The following FAT1 variants were observed in gnomAD, a reference collection of about 807,000 sequenced individuals.
The protein encoded by FAT1 is protocadherin Fat 1.
In FAT1, 171 loss-of-function variants were observed where a neutral mutation model predicts 329.8. The ratio of observed to expected loss-of-function variants is 0.52; its 90% confidence interval spans 0.46 to 0.59. The LOEUF (loss-of-function observed/expected upper bound fraction) is 0.59. Among genes scored for constraint, FAT1 ranks in the 20% least tolerant of loss-of-function variants. FAT1 has a pLI of 0.00. For missense variants in FAT1, 5,672 were observed against 5,774.4 expected (o/e 0.98, Z 0.57); for synonymous variants, 2,233 against 2,228.6 (o/e 1.00, Z -0.06).
chr4:186,602,111 C>T (rs745844312), intron 20 of FAT1, among the ~76,000 whole-genome samples: 20 of 152,092 alleles, frequency 1.3e-4, no homozygotes, highest in Non-Finnish European at 2.2e-4. Flanking sequence ...TTAAAGTAGC[C>T]AGAGAAATGC....
chr4:186,693,567 G>A lies in FAT1; in HGVS notation c.3265+12996C>T, dbSNP rs1454647681. On this transcript the variant is annotated intron_variant, in intron 2 of 26. Transcript: ENST00000441802. ...GCAGCGAACACCCAGCCACCTCCTG[G>A]GAGCAGGGCCCTCGAGCTCAACAGC... Among the ~76,000 whole-genome samples, 8 of 142,510 alleles carry A rather than the reference G, an allele frequency of 5.6e-5. 2 individuals are homozygous for A. Among genetic ancestry groups the A allele is most frequent in the African/African-American group, 2.2e-4 (8 of 36,702 alleles). 93.5% of individuals were successfully genotyped at this position (142,510 alleles called of 152,430 possible).
chr4:186,624,168 G>A (rs987313699), intron 9 of FAT1, among the ~76,000 whole-genome samples: 1 of 132,560 alleles, frequency 7.5e-6, no homozygotes, highest in Non-Finnish European at 1.7e-5. Context: ...AGGTCTGTAC[G>A]AGGCTGGGGG....
At chr4:186,702,197 C>A (rs1380599830) in intron 2 of FAT1, among the ~76,000 whole-genome samples, 1 of 152,230 alleles carries the variant, frequency 6.6e-6, no homozygotes, top group African/African-American at 2.4e-5. Flanking sequence ...AAAATGTCCT[C>A]ATTTCCCTTC....
chr4:186,614,069 G>C (rs986605967), intron 12 of FAT1, 122 bp downstream of exon 12: 2 of 751,432 alleles, frequency 2.7e-6, no homozygotes, highest in Non-Finnish European at 4.2e-6. Flanking sequence ...CAACTTCGGA[G>C]CATCAGAATA....
At chr4:186,630,354 G>A (rs1465499516) in intron 7 of FAT1, among the ~76,000 whole-genome samples, 1 of 152,088 alleles carries the variant, frequency 6.6e-6, no homozygotes, top group Non-Finnish European at 1.5e-5. Flanking sequence ...GCAGTGGGAC[G>A]GAACATCCTG....
chr4:186,657,196 G>A (rs1741943928), intron 3 of FAT1, among the ~76,000 whole-genome samples: 2 of 152,112 alleles, frequency 1.3e-5, no homozygotes, highest in South Asian at 2.1e-4. Context: ...TGTTCACAGC[G>A]GATTTACAAA....
In FAT1 at chr4:186,709,141, C is replaced by T. The variant is rs2126701858; in HGVS notation, c.687G>A (p.Met229Ile). ...TGATGCCACTGCTCCCATACAACTT[C>T]ATGCCACGGTCCGCAGCGAGGATTT... Reference protein sequence around the residue: ...EMEILAADRGMKLYGSSGISS... With the variant: ...EMEILAADRGIKLYGSSGISS... Residue 229 changes from methionine (M) to isoleucine (I), a missense_variant, in exon 2 of 27, where the codon ATG becomes ATA. This residue lies in a region of FAT1 where 3,966 missense variants were observed against 3,915.2 expected (regional missense o/e 1.01). Transcript: ENST00000441802. The T allele has an allele frequency of 6.2e-7, 1 of 1,614,020 alleles. No individual in the cohort carries two copies. The highest frequency in any genetic ancestry group is 2.2e-5 in the East Asian group (1 of 44,878).
chr4:186,607,384 T>C (rs2126452156), intron 16 of FAT1, among the ~76,000 whole-genome samples: 1 of 146,232 alleles, frequency 6.8e-6, no homozygotes, highest in South Asian at 2.1e-4. Flanking sequence ...GATGGGTAAC[T>C]GGATAGATAG....
upstream of FAT1, among the ~76,000 whole-genome samples, chr4:186,725,535 C>CT (rs1745690034): frequency 6.6e-6 from 1 of 151,832 alleles, no homozygotes; most frequent in Admixed American, 6.6e-5. This position sits in a 1 kb window ranked among gnomAD's most constrained non-coding sequence, Gnocchi z 5.4. Flanking sequence ...CCTGAGAAAT[C>CT]TATCTGCCTG....
chr4:186,656,332 C>G (rs993336489), intron 3 of FAT1, among the ~76,000 whole-genome samples: 1 of 152,170 alleles, frequency 6.6e-6, no homozygotes, highest in Non-Finnish European at 1.5e-5. Flanking sequence ...GGCAGTCCTT[C>G]CCCACTCAAT....
In FAT1 at chr4:186,634,579, G is replaced by T. The variant is rs189535731; in HGVS notation, c.4184-756C>A. The stretch of plus-strand genomic sequence containing the variant: ...GTGAGCATTACGTGGCAACACGCTG[G>T]CGAGTGGGATGGGTGACCATGCGCA... On this transcript the variant is annotated intron_variant, in intron 6 of 26. Coordinates refer to ENST00000441802, the MANE Select transcript of FAT1 (RefSeq NM_005245.4). 4.3e-4 allele frequency among the ~76,000 whole-genome samples: 65 copies of T among 152,168 alleles called. 1 individual carries two copies. The highest frequency in any genetic ancestry group is 1.5e-3 in the African/African-American group (61 of 41,522).
At chr4:186,669,396 A>C (rs751898589) in intron 2 of FAT1, among the ~76,000 whole-genome samples, 1 of 152,208 alleles carries the variant, frequency 6.6e-6, no homozygotes, top group Non-Finnish European at 1.5e-5. Flanking sequence ...GATTTGGAGC[A>C]CAGGAGACAG....
At chr4:186,702,849 C>T (rs1301457496) in intron 2 of FAT1, among the ~76,000 whole-genome samples, 10 of 152,254 alleles carry the variant, frequency 6.6e-5, no homozygotes, top group African/African-American at 2.2e-4. Flanking sequence ...GATGCTGAGA[C>T]GCATGGCAGG....
At chr4:186,627,558 C>T (rs939960119) in intron 9 of FAT1, among the ~76,000 whole-genome samples, 3 of 152,112 alleles carry the variant, frequency 2.0e-5, no homozygotes, top group Admixed American at 6.5e-5. Flanking sequence ...TCAAGCCCCA[C>T]CCCAGCAGGC....
At position 186,609,195 on chromosome 4, in the gene FAT1, G is replaced by A. The variant is rs373756658; in HGVS notation, c.10194C>T (p.Leu3398=). ...CTTTTTCACTTACCGTTTCTCGGTCGAGAAGTTTGGTCACTTTGACTTCTC... is the reference window on the plus strand; with the variant it reads ...CTTTTTCACTTACCGTTTCTCGGTCAAGAAGTTTGGTCACTTTGACTTCTC... ...VRGEVKVTKL[L]DRETISGYTL... Residue 3398 remains leucine, a synonymous_variant, in exon 16 of 27, where the codon CTC becomes CTT. Transcript: ENST00000441802. 3,281 of 1,612,402 alleles carry A rather than the reference G, an allele frequency of 2.0e-3. 59 individuals are homozygous for A. In the South Asian group the frequency reaches 0.03, roughly 15 times the overall value.
At chr4:186,716,379 C>T (rs1291836426) in intron 1 of FAT1, among the ~76,000 whole-genome samples, 2 of 152,094 alleles carry the variant, frequency 1.3e-5, no homozygotes, top group African/African-American at 4.8e-5. Flanking sequence ...ATTTCGAGTT[C>T]AGTTCAGTGT....
chr4:186,695,666 G>A (rs1353087943), intron 2 of FAT1, among the ~76,000 whole-genome samples: 2 of 152,024 alleles, frequency 1.3e-5, no homozygotes, highest in African/African-American at 4.8e-5. Flanking sequence ...CACGGACAGA[G>A]TCCAGTTTCA....
At chr4:186,614,414 G>A (rs980492842) in intron 11 of FAT1, 70 bp from the exon 12 acceptor site, 6 of 1,029,782 alleles carry the variant, frequency 5.8e-6, no homozygotes, top group African/African-American at 3.3e-5. Flanking sequence ...AGGGAATAAT[G>A]GAAAAGAAAT....
In FAT1 at chr4:186,610,037, T is replaced by A. The variant is rs80197069; in HGVS notation, c.9854-22A>T. 2,321 of 1,478,542 alleles carry A rather than the reference T, an allele frequency of 1.6e-3. 5 individuals carry two copies. Among genetic ancestry groups the A allele is most frequent in the Middle Eastern group, 2.6e-3 (13 of 4,912 alleles). 91.6% of individuals were successfully genotyped at this position (1,478,542 alleles called of 1,614,324 possible). On this transcript the variant is annotated intron_variant, in intron 14 of 26. Coordinates refer to ENST00000441802, the MANE Select transcript of FAT1 (RefSeq NM_005245.4). ...GCCCCTGAATAGAAATCAAAATTAC[T>A]TCCAGCATTCTGCAATGCCACCACA...
Sources: gnomAD v4.1 joint callset for allele counts (sites outside exome capture counted in the v4.1 genomes callset) on GRCh38, gnomAD v4.1.1 for gene constraint, gnomAD v4.1.1 regional missense constraint, Gnocchi (gnomAD v3.1) non-coding constraint, MANE v1.5 for transcripts, NCBI Gene and HGNC (gene_info 2026-07-23, HGNC 2026-07-21) for gene names.